Variants in COTL1 observed in about 807,000 individuals in gnomAD.
COTL1 encodes coactosin-like protein.
In COTL1, 15 loss-of-function variants were observed where a neutral mutation model predicts 16.5. The observed-to-expected ratio is 0.91, with a 90% CI of 0.61 to 1.40. COTL1 has a LOEUF of 1.40. Among genes scored for constraint, COTL1 ranks in the 40% most tolerant of loss-of-function variants. The pLI is 0.00. For synonymous variants in COTL1, 112 were observed against 85.3 expected (o/e 1.31, Z -1.73); for missense variants, 220 against 201.5 (o/e 1.09, Z -0.56).
chr16:84,617,657 G>A (rs1597190380), intron 1 of COTL1, 74 bp from the exon 2 acceptor site: 6 of 1,477,362 alleles, frequency 4.1e-6, no homozygotes, highest in East Asian at 2.5e-5. Context: ...GCTTGCAGAG[G>A]ACAATCTAAC....
At chr16:84,577,430 A>G (rs1045301139) in intron 3 of COTL1, among the ~76,000 whole-genome samples, 5 of 152,146 alleles carry the variant, frequency 3.3e-5, no homozygotes, top group African/African-American at 1.2e-4. Flanking sequence ...TTTTTAGTAG[A>G]GACAGGGTTT....
rs571891952 is a variant in COTL1, at chr16:84,577,435, G to C, written c.319-10480C>G. Among the ~76,000 whole-genome samples, 60 of 152,282 alleles carry C rather than the reference G, an allele frequency of 3.9e-4. 1 individual carries two copies. The highest frequency in any genetic ancestry group is 1.3e-3 in the African/African-American group (55 of 41,566). On this transcript the variant is annotated intron_variant, in intron 3 of 3. Transcript: ENST00000262428. ...ATTTTTTGTATTTTTAGTAGAGACAGGGTTTCACCATGTTGGCCAGGCTGG... is the reference window on the plus strand; with the variant it reads ...ATTTTTTGTATTTTTAGTAGAGACACGGTTTCACCATGTTGGCCAGGCTGG...
intron 2 of COTL1, among the ~76,000 whole-genome samples, chr16:84,606,433 C>T (rs1036100460): frequency 3.3e-5 from 5 of 152,262 alleles, no homozygotes; most frequent in African/African-American, 7.2e-5. Context: ...CTGTTCCCAG[C>T]GCTGCCAATA....
At chr16:84,585,209 C>T (rs535965168) in intron 3 of COTL1, among the ~76,000 whole-genome samples, 2 of 152,046 alleles carry the variant, frequency 1.3e-5, no homozygotes, top group African/African-American at 4.8e-5. Flanking sequence ...CTAAAATTAG[C>T]TGGGTGTGGT....
chr16:84,572,168 G>C (rs1374935290), intron 3 of COTL1, among the ~76,000 whole-genome samples: 6 of 152,238 alleles, frequency 3.9e-5, no homozygotes, highest in Non-Finnish European at 8.8e-5. Context: ...CAGAAGCTGA[G>C]CAAAACAGCT....
chr16:84,578,850 T>A (rs557780598), intron 3 of COTL1, among the ~76,000 whole-genome samples: 116 of 151,128 alleles, frequency 7.7e-4, no homozygotes, highest in Non-Finnish European at 1.3e-3. Context: ...AACACAGGTA[T>A]GCACACACAC....
intron 3 of COTL1, among the ~76,000 whole-genome samples, chr16:84,581,586 C>G (rs1468960311): frequency 6.6e-6 from 1 of 152,196 alleles, no homozygotes; most frequent in Non-Finnish European, 1.5e-5. Context: ...TCACTCCAAC[C>G]TCTTCCTCCT....
intron 3 of COTL1, among the ~76,000 whole-genome samples, chr16:84,585,706 G>A (rs777253230): frequency 6.6e-6 from 1 of 152,092 alleles, no homozygotes; most frequent in Non-Finnish European, 1.5e-5. Flanking sequence ...TGGTTTTAGC[G>A]GCCGTGGAAA....
At chr16:84,577,661 C>T (rs895864949) in intron 3 of COTL1, among the ~76,000 whole-genome samples, 1 of 152,128 alleles carries the variant, frequency 6.6e-6, no homozygotes, top group Non-Finnish European at 1.5e-5. Flanking sequence ...GTGTCAAACC[C>T]TCGTAGCTCA....
intron 2 of COTL1, among the ~76,000 whole-genome samples, chr16:84,607,069 G>A (rs993141862): frequency 2.6e-5 from 4 of 152,150 alleles, no homozygotes; most frequent in African/African-American, 9.7e-5. Context: ...AACCATGAAG[G>A]ATGGGGATTC....
chr16:84,601,910 C>G (rs576424415), intron 2 of COTL1, among the ~76,000 whole-genome samples: 54 of 152,306 alleles, frequency 3.5e-4, no homozygotes, highest in African/African-American at 1.1e-3. Flanking sequence ...TCCACCAGCC[C>G]TTCTCTCTTT....
chr16:84,615,238 C>T (rs886838677), intron 2 of COTL1, among the ~76,000 whole-genome samples: 2 of 152,124 alleles, frequency 1.3e-5, no homozygotes, highest in African/African-American at 4.8e-5. Context: ...CTGAAGCTCC[C>T]ATGGCCCATT....
chr16:84,611,755 G>C (rs1275827643), intron 2 of COTL1, among the ~76,000 whole-genome samples: 1 of 152,140 alleles, frequency 6.6e-6, no homozygotes, highest in African/African-American at 2.4e-5. Flanking sequence ...CTCTTCTTTT[G>C]GTTTAGTCTT....
intron 2 of COTL1, among the ~76,000 whole-genome samples, chr16:84,613,064 G>C (rs1215109426): frequency 6.6e-6 from 1 of 150,650 alleles, no homozygotes; most frequent in Non-Finnish European, 1.5e-5. Flanking sequence ...ACAACAGCGC[G>C]ATCTCGGCTC....
At chr16:84,610,525 C>T (rs1288620769) in intron 2 of COTL1, among the ~76,000 whole-genome samples, 1 of 152,194 alleles carries the variant, frequency 6.6e-6, no homozygotes, top group Non-Finnish European at 1.5e-5. Context: ...TCTTTACCAA[C>T]AACTCTGTCC....
At chr16:84,597,790 T>G (rs773624845) in intron 2 of COTL1, among the ~76,000 whole-genome samples, 1 of 152,198 alleles carries the variant, frequency 6.6e-6, no homozygotes, top group Non-Finnish European at 1.5e-5. Context: ...AGCAGCTTCC[T>G]GCAGAGTCCG....
intron 1 of COTL1, 97 bp from the exon 2 acceptor site, chr16:84,617,680 C>T (rs1262169044): frequency 7.1e-6 from 10 of 1,412,544 alleles, no homozygotes; most frequent in Non-Finnish European, 9.8e-7. Context: ...ACGCGCTGGC[C>T]ACGGAGAAGC....
At chr16:84,594,567 T>G (rs1289012820) in intron 2 of COTL1, 1 of 152,212 alleles carries the variant, frequency 6.6e-6, no homozygotes, top group Non-Finnish European at 1.5e-5. Context: ...AGCCTTGACC[T>G]GAGGGGGAGG....
chr16:84,591,426 C>T (rs146944392), intron 2 of COTL1, among the ~76,000 whole-genome samples: 3,753 of 151,410 alleles, frequency 0.025, 147 homozygotes, highest in African/African-American at 0.086. Context: ...CCTTGTATTC[C>T]ACCCGCCTCA....
Sources: gnomAD v4.1 joint callset for allele counts (sites outside exome capture counted in the v4.1 genomes callset) on GRCh38, gnomAD v4.1.1 for gene constraint, MANE v1.5 for transcripts, NCBI Gene and HGNC (gene_info 2026-07-23, HGNC 2026-07-21) for gene names.